The following PRDM6 variants were observed in gnomAD, a reference collection of about 807,000 sequenced individuals.
The protein encoded by PRDM6 is putative histone-lysine N-methyltransferase PRDM6.
Under a neutral mutation model 60.8 loss-of-function variants are expected in PRDM6, and 25 were observed. That is an observed-to-expected ratio of 0.41 (90% CI 0.30 to 0.57). The LOEUF (loss-of-function observed/expected upper bound fraction) is 0.57, where lower values mean the gene tolerates loss of function less well. Among genes scored for constraint, PRDM6 ranks in the 20% least tolerant of loss-of-function variants. The pLI is 0.27. For missense variants in PRDM6, 839 were observed against 821.3 expected, an observed-to-expected ratio of 1.02 and a Z score of -0.26; for synonymous variants, 407 against 357.4, an observed-to-expected ratio of 1.14 and a Z score of -1.57.
chr5:123,118,656 G>A (rs1045316323), intron 3 of PRDM6, among the ~76,000 whole-genome samples: 1 of 152,326 alleles, frequency 6.6e-6, no homozygotes, highest in East Asian at 1.9e-4. Context: ...CAGTCAGGGT[G>A]CACAGCACTT....
At chr5:123,098,285 G>A (rs1047720565) in intron 2 of PRDM6, among the ~76,000 whole-genome samples, 16 of 152,250 alleles carry the variant, frequency 1.1e-4, no homozygotes, top group African/African-American at 3.4e-4. Context: ...TGTCTGCCAG[G>A]CGGGACTCGC....
chr5:123,113,151 T>C (rs533036886), intron 3 of PRDM6, among the ~76,000 whole-genome samples: 1 of 152,328 alleles, frequency 6.6e-6, no homozygotes, highest in African/African-American at 2.4e-5. Flanking sequence ...GGTACATTTG[T>C]TACAATGACT....
In PRDM6 at chr5:123,089,917, C is replaced by T. The variant is rs748630081; in HGVS notation, c.-15-83C>T. Reference sequence around the variant, plus strand: ...GCCGGCTGAACCACCGGCTCGGGCACTTTCTCCAGGGTCCCAGTGGCCCTC... The same window carrying T: ...GCCGGCTGAACCACCGGCTCGGGCATTTTCTCCAGGGTCCCAGTGGCCCTC... On this transcript the variant is annotated intron_variant, in intron 1 of 7. Transcript: ENST00000407847. 5.6e-6 allele frequency: 6 copies of T among 1,062,668 alleles called. No individual in the cohort carries two copies. In the Admixed American group the frequency reaches 1.1e-4, roughly 19 times the overall value. The allele number at this position is 1,062,668 out of a possible 1,614,324, so 65.8% of individuals were successfully genotyped here.
intron 3 of PRDM6, among the ~76,000 whole-genome samples, chr5:123,115,254 T>C (rs1318831839): frequency 6.6e-6 from 1 of 152,202 alleles, no homozygotes; most frequent in East Asian, 1.9e-4. Flanking sequence ...GTAGTGACGT[T>C]GGAATGATGC....
At chr5:123,108,795 A>T (rs1010866983) in intron 3 of PRDM6, among the ~76,000 whole-genome samples, 2 of 152,158 alleles carry the variant, frequency 1.3e-5, no homozygotes, top group African/African-American at 4.8e-5. Flanking sequence ...GGTTTTTGAG[A>T]CATGATTATA....
chr5:123,133,638 T>C (rs550802308), intron 3 of PRDM6, among the ~76,000 whole-genome samples: 2 of 152,202 alleles, frequency 1.3e-5, no homozygotes, highest in East Asian at 1.9e-4. Context: ...CAAGATGATA[T>C]ACACCCTGAA....
rs535033332 is a variant in PRDM6, at chr5:123,189,457, T to C, written c.*2256T>C. On this transcript the variant is annotated 3_prime_UTR_variant, in exon 8 of 8. Transcript: ENST00000407847. The stretch of plus-strand genomic sequence containing the variant: ...TCAGAACGTGGGAGAATGAGAAGGC[T>C]TCCCTCCTCCCTTGATGTCTGGCAT... 2.0e-5 allele frequency: 3 copies of C among 152,324 alleles called. No individual in the cohort carries two copies. Among genetic ancestry groups the C allele is most frequent in the African/African-American group, 7.2e-5 (3 of 41,574 alleles). 9.4% of individuals were successfully genotyped at this position (152,324 alleles called of 1,614,324 possible). A position where few individuals can be genotyped will look rare whatever the true frequency, so the allele number is the denominator to read the frequency against.
At chr5:123,140,133 A>G (rs1469628262) in intron 3 of PRDM6, among the ~76,000 whole-genome samples, 1 of 152,114 alleles carries the variant, frequency 6.6e-6, no homozygotes, top group East Asian at 1.9e-4. Context: ...TATCATAATT[A>G]CCGCGGCTTA....
chr5:123,098,001 G>A (rs1252091681), intron 2 of PRDM6, among the ~76,000 whole-genome samples: 1 of 152,218 alleles, frequency 6.6e-6, no homozygotes, highest in African/African-American at 2.4e-5. Context: ...GAGACAGGAG[G>A]CTTACATAGT....
At chr5:123,107,133 T>TG (rs1410892516) in intron 3 of PRDM6, among the ~76,000 whole-genome samples, 1 of 152,232 alleles carries the variant, frequency 6.6e-6, no homozygotes, top group African/African-American at 2.4e-5. Context: ...ATTGTACTTT[T>TG]GGGGGAGGGT....
In PRDM6 at chr5:123,104,164, A is replaced by G. The variant is rs537468452; in HGVS notation, c.900+4203A>G. 3.9e-5 allele frequency among the ~76,000 whole-genome samples: 6 copies of G among 152,244 alleles called. No individual in the cohort carries two copies. The South Asian group carries it at 8.3e-4, about 21-fold the overall frequency. ...TTAAGCAAATGGTCTATTTTTCATC[A>G]TTACTGCTTAGCTTAAGTCAAAATA... is the stretch of plus-strand genomic sequence containing the variant. On this transcript the variant is annotated intron_variant, in intron 3 of 7. Coordinates refer to ENST00000407847, the MANE Select transcript of PRDM6 (RefSeq NM_001136239.4).
intron 3 of PRDM6, among the ~76,000 whole-genome samples, chr5:123,112,549 A>G (rs17149910): frequency 0.34 from 52,098 of 151,874 alleles, 9,950 homozygotes; most frequent in African/African-American, 0.49. Context: ...TCTTGTTTCA[A>G]TTGCTCCCCA....
chr5:123,091,065 T>A (rs1763829023), intron 2 of PRDM6, among the ~76,000 whole-genome samples: 1 of 152,096 alleles, frequency 6.6e-6, no homozygotes, highest in South Asian at 2.1e-4. Context: ...GGGCTTGTTT[T>A]TGCTACTCTC....
intron 3 of PRDM6, among the ~76,000 whole-genome samples, chr5:123,123,256 C>G (rs1764621159): frequency 6.6e-6 from 1 of 152,044 alleles, no homozygotes; most frequent in East Asian, 1.9e-4. Flanking sequence ...AACAGATGAC[C>G]TGATTATATG....
chr5:123,131,629 C>T (rs1260480121), intron 3 of PRDM6, among the ~76,000 whole-genome samples: 1 of 152,174 alleles, frequency 6.6e-6, no homozygotes, highest in African/African-American at 2.4e-5. Context: ...ACTGAAGCCT[C>T]GAGTGGCTGT....
rs1031269045 is a variant in PRDM6, at chr5:123,170,754, C to T, written c.1154-12C>T. Reference sequence around the variant, plus strand: ...ATAAAACTGTTCTTCTAAACTGTTGCTATTCTCCTAGTAAATGTCCCTTCA... The same window carrying T: ...ATAAAACTGTTCTTCTAAACTGTTGTTATTCTCCTAGTAAATGTCCCTTCA... On this transcript the variant is annotated splice_polypyrimidine_tract_variant and intron_variant, in intron 5 of 7. Transcript: ENST00000407847. 34 of 1,522,340 alleles carry T rather than the reference C, an allele frequency of 2.2e-5. No homozygotes were observed. The highest frequency in any genetic ancestry group is 2.9e-5 in the Non-Finnish European group (33 of 1,124,940). 94.3% of individuals were successfully genotyped at this position (1,522,340 alleles called of 1,614,324 possible).
Position 123,119,891 on chromosome 5 carries a change from G to C in PRDM6, c.900+19930G>C, listed in dbSNP as rs183433335. Among the ~76,000 whole-genome samples the C allele has an allele frequency of 2.6e-5, 4 of 152,260 alleles. 1 individual carries two copies. Among genetic ancestry groups the C allele is most frequent in the African/African-American group, 9.6e-5 (4 of 41,538 alleles). ...AATACATGAGTGGTTATACTACCAA[G>C]TTAAGTCAAGTCAGTTTTATTCCAG... On this transcript the variant is annotated intron_variant, in intron 3 of 7. Coordinates refer to ENST00000407847, the MANE Select transcript of PRDM6 (RefSeq NM_001136239.4).
At chr5:123,138,293 T>C (rs1261376184) in intron 3 of PRDM6, among the ~76,000 whole-genome samples, 3 of 152,184 alleles carry the variant, frequency 2.0e-5, no homozygotes, top group Non-Finnish European at 4.4e-5. Flanking sequence ...TGTTGGCAAT[T>C]GTACCAAGCT....
At chr5:123,141,561 A>G (rs1019700312) in intron 3 of PRDM6, among the ~76,000 whole-genome samples, 3 of 152,010 alleles carry the variant, frequency 2.0e-5, no homozygotes, top group African/African-American at 7.2e-5. Flanking sequence ...TTCTCTTCTT[A>G]TACACAAGAA....
Sources: allele counts gnomAD v4.1 joint callset (sites outside exome capture counted in the v4.1 genomes callset), GRCh38; gene constraint gnomAD v4.1.1; transcripts MANE v1.5; gene names NCBI Gene and HGNC (gene_info 2026-07-23, HGNC 2026-07-21).